The following MYO5C variants were observed in gnomAD, a reference collection of about 807,000 sequenced individuals.
The protein encoded by MYO5C is myosin VC.
Under a neutral mutation model 235.7 loss-of-function variants are expected in MYO5C, and 194 were observed. The ratio of observed to expected loss-of-function variants is 0.82; its 90% CI spans 0.73 to 0.93. The LOEUF (loss-of-function observed/expected upper bound fraction) is 0.93, where lower values mean the gene tolerates loss of function less well. MYO5C is among the 40% of genes least tolerant of loss of function. The probability of loss-of-function intolerance (pLI) is 0.00; values close to 1 mark genes in which losing one functional copy is unlikely to be tolerated. For synonymous variants in MYO5C, 707 were observed against 754.8 expected (o/e 0.94, Z 1.04); for missense variants, 2,038 against 2,127.2 (o/e 0.96, Z 0.82).
At chr15:52,289,611 C>G (rs1385460983) in intron 1 of MYO5C, among the ~76,000 whole-genome samples, 2 of 152,110 alleles carry the variant, frequency 1.3e-5, no homozygotes, top group South Asian at 4.2e-4. Context: ...GCCCCCAACC[C>G]TACCCCCACC....
intron 25 of MYO5C, among the ~76,000 whole-genome samples, chr15:52,226,932 G>A (rs1007425552): frequency 6.6e-6 from 1 of 152,108 alleles, no homozygotes; most frequent in Non-Finnish European, 1.5e-5. Context: ...TGGATCACCT[G>A]AGGTCAGGAC....
chr15:52,254,261 G>A (rs2036535951), intron 11 of MYO5C, among the ~76,000 whole-genome samples: 1 of 152,188 alleles, frequency 6.6e-6, no homozygotes, highest in Non-Finnish European at 1.5e-5. Flanking sequence ...AGACCTGGAG[G>A]ATGGCTCAGA....
intron 10 of MYO5C, among the ~76,000 whole-genome samples, chr15:52,259,641 C>G (rs1387342078): frequency 6.6e-6 from 1 of 152,174 alleles, no homozygotes; most frequent in Non-Finnish European, 1.5e-5. Flanking sequence ...GGGAAGAAGA[C>G]AAGGTAAATA....
At chr15:52,252,270 CT>C (rs1328089764) in intron 12 of MYO5C, among the ~76,000 whole-genome samples, 1 of 152,096 alleles carries the variant, frequency 6.6e-6, no homozygotes, top group Non-Finnish European at 1.5e-5. Flanking sequence ...CGAACATGAC[CT>C]TTATTCACGG....
At chr15:52,224,819 A>C in intron 28 of MYO5C, 82 bp downstream of exon 28, 1 of 1,100,178 alleles carries the variant, frequency 9.1e-7, no homozygotes, top group Non-Finnish European at 1.4e-6. Flanking sequence ...GTATCAATCT[A>C]TGTAAGGTAA....
Position 52,237,539 on chromosome 15 carries a change from G to C in MYO5C, c.2811C>G (p.Ala937=). The C allele has an allele frequency of 6.2e-7, 1 of 1,614,112 alleles. No individual in the cohort carries two copies. The highest frequency in any genetic ancestry group is 8.5e-7 in the Non-Finnish European group (1 of 1,180,020). The change falls in exon 22 of 41, where the codon GCC becomes GCG. Residue 937 remains alanine, a synonymous_variant. Transcript: ENST00000261839. ...QKLEAELEKA[A]THRRNYEEKG... ...TCTCCTCGTAATTTCGCCTGTGAGT[G>C]GCTGCTTTTTCTAGTTCTGCTTCCA... is the stretch of plus-strand genomic sequence containing the variant.
At chr15:52,290,431 T>C (rs1211459448) in intron 1 of MYO5C, among the ~76,000 whole-genome samples, 1 of 152,084 alleles carries the variant, frequency 6.6e-6, no homozygotes, top group Non-Finnish European at 1.5e-5. Flanking sequence ...TTGACCTCAT[T>C]TTAGACAGGG....
rs192198309 is a variant in MYO5C at position 52,246,172 on chromosome 15, T to C, written c.1980-130A>G. 238 of 682,616 alleles carry C rather than the reference T, an allele frequency of 3.5e-4. No homozygotes were observed. In the African/African-American group the frequency reaches 3.8e-3, roughly 11 times the overall value. 42.3% of individuals were successfully genotyped at this position (682,616 alleles called of 1,614,324 possible). A position where few individuals can be genotyped will look rare whatever the true frequency, so the allele number is the denominator to read the frequency against. ...CCAGCAGATACTTAATAAGTTTCTA[T>C]TGCATGACCAAGAAAAATAGCACCT... On this transcript the variant is annotated intron_variant, in intron 16 of 40. Transcript: ENST00000261839.
intron 24 of MYO5C, among the ~76,000 whole-genome samples, chr15:52,231,404 T>A (rs2035947365): frequency 6.6e-6 from 1 of 152,182 alleles, no homozygotes; most frequent in South Asian, 2.1e-4. Context: ...GGCCTCAGCC[T>A]GGCTCTCCAA....
At position 52,219,621 on chromosome 15, in the gene MYO5C, C is replaced by A; in HGVS notation, c.3785+138G>T. 4.6e-6 allele frequency: 3 copies of A among 649,360 alleles called. No homozygotes were observed. The East Asian group carries it at 8.4e-5, about 18-fold the overall frequency. The allele number at this position is 649,360 out of a possible 1,614,324, so 40.2% of individuals were successfully genotyped here. A position where few individuals can be genotyped will look rare whatever the true frequency, so the allele number is the denominator to read the frequency against. On this transcript the variant is annotated intron_variant, in intron 31 of 40. Coordinates refer to ENST00000261839, the MANE Select transcript of MYO5C (RefSeq NM_018728.4). ...GTACATACACATATTTCTTTCCTTC[C>A]CATCAGAATGGCAATATGTCATATA... is the stretch of plus-strand genomic sequence containing the variant.
intron 8 of MYO5C, among the ~76,000 whole-genome samples, chr15:52,266,908 C>T (rs1433043410): frequency 6.6e-6 from 1 of 152,218 alleles, no homozygotes; most frequent in East Asian, 1.9e-4. Flanking sequence ...CCACTTCACA[C>T]AGCACAGCAG....
intron 8 of MYO5C, among the ~76,000 whole-genome samples, chr15:52,265,017 C>A (rs1247207981): frequency 6.6e-6 from 1 of 152,196 alleles, no homozygotes; most frequent in Non-Finnish European, 1.5e-5. Context: ...CTGCTGCCCC[C>A]CAGGTGCCCA....
rs117429168 is a variant in MYO5C at position 52,279,826 on chromosome 15, G to A, written c.139-152C>T. 3.1e-3 allele frequency: 2,384 copies of A among 760,062 alleles called. 44 individuals carry two copies. Among genetic ancestry groups the A allele is most frequent in the South Asian group, 0.02 (1,030 of 50,832 alleles). The allele number at this position is 760,062 out of a possible 1,614,324, so 47.1% of individuals were successfully genotyped here. ...TTATAGCAACAAGAAAATCTTCACA[G>A]CTGACTCCTGGAATAATGAAAAGTA... On this transcript the variant is annotated intron_variant, in intron 2 of 40. Coordinates refer to ENST00000261839, the MANE Select transcript of MYO5C (RefSeq NM_018728.4).
At position 52,226,280 on chromosome 15, in the gene MYO5C, GGT is replaced by G. The variant is rs200144607; in HGVS notation, c.3208-750_3208-749del. Among the ~76,000 whole-genome samples the G allele has an allele frequency of 5.0e-3, 766 of 152,320 alleles. 14 individuals carry two copies. The highest frequency in any genetic ancestry group is 0.027 in the Admixed American group (407 of 15,302). On this transcript the variant is annotated intron_variant, in intron 25 of 40. Coordinates refer to ENST00000261839, the MANE Select transcript of MYO5C (RefSeq NM_018728.4). ...TAGATGTGGAGCAGTGGCAGAGACT[GGT>G]GAGTCCAGGAGGTCTGGGAGTTAGC...
At chr15:52,285,810 G>C (rs961799908) in intron 1 of MYO5C, among the ~76,000 whole-genome samples, 2 of 152,148 alleles carry the variant, frequency 1.3e-5, no homozygotes, top group Non-Finnish European at 2.9e-5. Flanking sequence ...GCGTGATCTC[G>C]GCTCGCTACA....
chr15:52,214,333 A>T (rs1007803903), intron 33 of MYO5C, among the ~76,000 whole-genome samples: 3 of 152,326 alleles, frequency 2.0e-5, no homozygotes, highest in Admixed American at 6.5e-5. Context: ...TTCATTTTTT[A>T]AAAAAGGGAG....
intron 36 of MYO5C, 148 bp downstream of exon 36, chr15:52,208,406 C>T (rs1165966975): frequency 1.6e-6 from 1 of 617,008 alleles, no homozygotes; most frequent in African/African-American, 1.8e-5. Flanking sequence ...CAGAAGTCTC[C>T]TGCCTGTGGT....
intron 27 of MYO5C, 34 bp downstream of exon 27, chr15:52,225,041 G>A (rs2035789655): frequency 6.2e-7 from 1 of 1,612,976 alleles, no homozygotes; most frequent in Non-Finnish European, 8.5e-7. Flanking sequence ...ATGTTTACAT[G>A]TCTTAAAATG....
chr15:52,208,594 C>T lies in MYO5C; in HGVS notation c.4346G>A (p.Cys1449Tyr). The T allele has an allele frequency of 6.2e-7, 1 of 1,614,136 alleles. No homozygotes were observed. Among genetic ancestry groups the T allele is most frequent in the Non-Finnish European group, 8.5e-7 (1 of 1,180,002 alleles). The part of the protein sequence containing the change: ...EMLSFWLSNT[C>Y]HFLNCLKQYS... ...CTGCTTCAGGCAATTGAGAAAATGA[C>T]AAGTGTTGGAAAGCCAAAAGGACAG... Residue 1449 changes from cysteine to tyrosine, a missense_variant, in exon 36 of 41, where the codon TGT (cysteine) becomes TAT (tyrosine). By Grantham distance (194) the Cys-to-Tyr change is radical. Coordinates refer to ENST00000261839, the MANE Select transcript of MYO5C (RefSeq NM_018728.4).
Sources: gnomAD v4.1 joint callset for allele counts (sites outside exome capture counted in the v4.1 genomes callset) on GRCh38, gnomAD v4.1.1 for gene constraint, MANE v1.5 for transcripts, NCBI Gene and HGNC (gene_info 2026-07-23, HGNC 2026-07-21) for gene names.